Variants in TLK2 observed in about 807,000 individuals in gnomAD.
The protein encoded by TLK2 is tousled like kinase 2.
Under a neutral mutation model 117.3 loss-of-function variants are expected in TLK2, and 6 were observed. The ratio of observed to expected loss-of-function variants is 0.05; its 90% CI spans 0.03 to 0.10. The LOEUF is 0.10. TLK2 is among the 10% of genes least tolerant of loss of function. TLK2 has a pLI of 1.00. For synonymous variants in TLK2, 257 were observed against 316.7 expected (o/e 0.81, Z 2.00); for missense variants, 299 against 901.2 (o/e 0.33, Z 8.56).
chr17:62,486,547 A>G lies in TLK2; in HGVS notation c.81+5341A>G, dbSNP rs1442351677. On this transcript the variant is annotated intron_variant, in intron 2 of 21. Transcript: ENST00000346027. ...GAAACTGACTATATCTTGAATTCAT[A>G]TGTTTTCAATCAACCTGTTGCAGTT... Among the ~76,000 whole-genome samples the G allele has an allele frequency of 2.6e-5, 4 of 152,102 alleles. No individual in the cohort carries two copies. The East Asian group carries it at 7.7e-4, about 29-fold the overall frequency.
chr17:62,474,949 C>T (rs1346389304), upstream of TLK2, among the ~76,000 whole-genome samples: 9 of 152,128 alleles, frequency 5.9e-5, no homozygotes, highest in Non-Finnish European at 7.4e-5. Context: ...GACAGGTGCA[C>T]GCCACTATGC....
intron 2 of TLK2, among the ~76,000 whole-genome samples, chr17:62,506,534 T>G (rs1374285135): frequency 6.6e-6 from 1 of 152,186 alleles, no homozygotes; most frequent in Admixed American, 6.6e-5. Flanking sequence ...TTTCCTCATA[T>G]GTGAAGTAAT....
chr17:62,499,407 C>G (rs1478785773), intron 2 of TLK2, among the ~76,000 whole-genome samples: 1 of 151,764 alleles, frequency 6.6e-6, no homozygotes, highest in Non-Finnish European at 1.5e-5. Flanking sequence ...TCAAGTGATT[C>G]GCCCACCTCA....
In TLK2 at chr17:62,539,948, A is replaced by G. The variant is rs151197472; in HGVS notation, c.531+3611A>G. On this transcript the variant is annotated intron_variant, in intron 7 of 21. Transcript: ENST00000346027. ...AGTCATTTCCTTTCTATGTCTAACA[A>G]ACATGTCAAATGTAACATGTTCAAA... Among the ~76,000 whole-genome samples the G allele has an allele frequency of 8.5e-3, 1,287 of 152,146 alleles. 14 individuals are homozygous for G. The highest frequency in any genetic ancestry group is 0.029 in the African/African-American group (1,188 of 41,506).
intron 2 of TLK2, among the ~76,000 whole-genome samples, chr17:62,503,234 AT>A (rs1337398370): frequency 6.6e-6 from 1 of 151,130 alleles, no homozygotes; most frequent in Non-Finnish European, 1.5e-5. Context: ...TAATTTTTGT[AT>A]TTTTAGTAGA....
intron 2 of TLK2, among the ~76,000 whole-genome samples, chr17:62,487,240 C>G (rs1383748974): frequency 6.7e-6 from 1 of 149,792 alleles, no homozygotes; most frequent in Non-Finnish European, 1.5e-5. Flanking sequence ...TGCAGTTAGC[C>G]GAGATCATGC....
chr17:62,573,181 T>G, intron 11 of TLK2, 34 bp from the exon 12 acceptor site: 1 of 1,582,236 alleles, frequency 6.3e-7, no homozygotes, highest in Admixed American at 1.8e-5. Flanking sequence ...ACTTTTGACT[T>G]TCTTTCTTTG....
intron 5 of TLK2, 25 bp from the exon 6 acceptor site, chr17:62,524,211 A>G (rs1464009627): frequency 2.5e-6 from 4 of 1,613,610 alleles, no homozygotes; most frequent in Admixed American, 3.3e-5. Flanking sequence ...TGAATTATTC[A>G]TATCGGTTTT....
intron 10 of TLK2, among the ~76,000 whole-genome samples, chr17:62,561,885 A>C (rs2079308719): frequency 6.6e-6 from 1 of 152,254 alleles, no homozygotes; most frequent in Non-Finnish European, 1.5e-5. Context: ...AGCATACTAC[A>C]AAAAGTAAAC....
chr17:62,554,523 A>G (rs2078701818), intron 9 of TLK2, among the ~76,000 whole-genome samples: 1 of 152,170 alleles, frequency 6.6e-6, no homozygotes, highest in East Asian at 1.9e-4. Context: ...CGGAGGTTGC[A>G]GTGAGCTGAG....
rs59766646 is a variant in TLK2 at position 62,610,787 on chromosome 17, A to C, written c.2080-1605A>C. ...GCAGTTGCAGGTTTTAATCAGGGCA[A>C]CTATGTGAGTTGATTGCTGTTTTAA... On this transcript the variant is annotated intron_variant, in intron 21 of 21. Transcript: ENST00000346027. Among the ~76,000 whole-genome samples, 6,169 of 152,170 alleles carry C rather than the reference A, an allele frequency of 0.041. 770 individuals are homozygous for C. In the East Asian group the frequency reaches 0.43, roughly 11 times the overall value.
At chr17:62,528,509 C>T (rs1248301594) in intron 6 of TLK2, among the ~76,000 whole-genome samples, 5 of 152,164 alleles carry the variant, frequency 3.3e-5, no homozygotes, top group South Asian at 2.1e-4. Context: ...CTCAGCCTCC[C>T]GGGTTCAAGC....
chr17:62,507,117 G>A (rs2074759194), intron 2 of TLK2, among the ~76,000 whole-genome samples: 1 of 151,874 alleles, frequency 6.6e-6, no homozygotes, highest in South Asian at 2.1e-4. Flanking sequence ...TTGAAAGTGG[G>A]GTTTTTTTTG....
chr17:62,515,544 G>A lies in TLK2; in HGVS notation c.82-5229G>A, dbSNP rs144524589. ...GTAGTGGTCACCTCAATGGATGTGA[G>A]GCGGTGTCTTTTTGTGAGTTGCAGT... On this transcript the variant is annotated intron_variant, in intron 2 of 21. Coordinates refer to ENST00000346027, the MANE Select transcript of TLK2 (RefSeq NM_006852.6). Among the ~76,000 whole-genome samples the A allele has an allele frequency of 3.9e-3, 601 of 152,268 alleles. 3 individuals carry two copies. Among genetic ancestry groups the A allele is most frequent in the African/African-American group, 0.014 (570 of 41,554 alleles).
At chr17:62,523,349 T>G (rs1488374100) in intron 5 of TLK2, among the ~76,000 whole-genome samples, 172 bp downstream of exon 5, 1 of 152,054 alleles carries the variant, frequency 6.6e-6, no homozygotes. Flanking sequence ...GAGGCCAAGA[T>G]GGGAGGATCG....
At chr17:62,562,386 C>A (rs1348322279) in intron 10 of TLK2, among the ~76,000 whole-genome samples, 1 of 152,046 alleles carries the variant, frequency 6.6e-6, no homozygotes, top group East Asian at 1.9e-4. Context: ...AATGAAAATG[C>A]AATCATAGAG....
Position 62,471,406 on chromosome 17 carries a change from G to T in TLK2, c.-205+328G>T, listed in dbSNP as rs2070936926. 2.6e-5 allele frequency among the ~76,000 whole-genome samples: 4 copies of T among 152,280 alleles called. No individual in the cohort carries two copies. The South Asian group carries it at 8.3e-4, about 32-fold the overall frequency. ...TCTTGTGAGGTTTTTCTCTTCAAATGGAAGATTTCCCCATAGCCTTTGAAT... is the reference window on the plus strand; with the variant it reads ...TCTTGTGAGGTTTTTCTCTTCAAATTGAAGATTTCCCCATAGCCTTTGAAT... On this transcript the variant is annotated intron_variant, in intron 1 of 4. Transcript: ENST00000579450.
chr17:62,494,131 T>C (rs2073403390), intron 2 of TLK2, among the ~76,000 whole-genome samples: 1 of 152,134 alleles, frequency 6.6e-6, no homozygotes, highest in African/African-American at 2.4e-5. Context: ...TTGCCTAGGC[T>C]GGAGTGCAGT....
At chr17:62,521,667 G>A (rs1033153386) in intron 3 of TLK2, among the ~76,000 whole-genome samples, 1 of 152,132 alleles carries the variant, frequency 6.6e-6, no homozygotes, top group Non-Finnish European at 1.5e-5. Context: ...TTACAGACAT[G>A]AGCCACAGTG....
Sources: gnomAD v4.1 joint callset for allele counts (sites outside exome capture counted in the v4.1 genomes callset) on GRCh38, gnomAD v4.1.1 for gene constraint, MANE v1.5 for transcripts, NCBI Gene and HGNC (gene_info 2026-07-23, HGNC 2026-07-21) for gene names.